The following LHX3 variants were observed in gnomAD, a reference collection of about 807,000 sequenced individuals.
LHX3 encodes LIM/homeobox protein Lhx3.
Under a neutral mutation model 32.4 loss-of-function variants are expected in LHX3, and 21 were observed. That is an observed-to-expected ratio of 0.65 (90% CI 0.46 to 0.93). The LOEUF (loss-of-function observed/expected upper bound fraction) is 0.93, where lower values mean the gene tolerates loss of function less well. Ranked by LOEUF, LHX3 falls within the 40% of genes least tolerant of loss-of-function variation. LHX3 has a pLI of 0.00. For missense variants in LHX3, 626 were observed against 560.0 expected (o/e 1.12, Z -1.19); for synonymous variants, 258 against 246.8 (o/e 1.05, Z -0.43).
At chr9:136,202,270 G>A (rs1465174289) in intron 1 of LHX3, among the ~76,000 whole-genome samples, 1 of 152,148 alleles carries the variant, frequency 6.6e-6, no homozygotes, top group African/African-American at 2.4e-5. Context: ...CCCGCCGGCC[G>A]GTCCCTCTCA....
intron 3 of LHX3, 106 bp downstream of exon 3, chr9:136,199,572 T>C (rs1831585840): frequency 1.6e-6 from 2 of 1,238,538 alleles, no homozygotes; most frequent in East Asian, 4.8e-5. Context: ...CAGGCCCCCT[T>C]AGTGAGCGCT....
At chr9:136,201,762 A>G (rs1384947207) in intron 1 of LHX3, 5 of 931,970 alleles carry the variant, frequency 5.4e-6, no homozygotes, top group Non-Finnish European at 6.4e-6. Context: ...GAAACCGGCG[A>G]TGAATGCGCC....
Position 136,197,619 on chromosome 9 carries a change from C to T in LHX3, c.900G>A (p.Leu300=), listed in dbSNP as rs767030651. 8 of 1,570,336 alleles carry T rather than the reference C, an allele frequency of 5.1e-6. No homozygotes were observed. Among genetic ancestry groups the T allele is most frequent in the Non-Finnish European group, 6.0e-6 (7 of 1,159,366 alleles). Residue 300 remains leucine, a synonymous_variant, in exon 6 of 6, where the codon CTG becomes CTA. Transcript: ENST00000371748. ...GCTCTCGGTACTGCTCTGGGCCTGC[C>T]AGGCCTCCATGCTCCAGGGAGAAGT... ...LGNFSLEHGG[L]AGPEQYRELR...
intron 5 of LHX3, 42 bp downstream of exon 5, chr9:136,198,610 G>A (rs1183242524): frequency 1.3e-6 from 2 of 1,534,638 alleles, no homozygotes; most frequent in Middle Eastern, 1.9e-4. Context: ...CCCCGCCGAC[G>A]CGCGCTCGTC....
Position 136,200,709 on chromosome 9 carries a change from A to G in LHX3, c.124T>C (p.Phe42Leu). 1 of 1,613,544 alleles carries G rather than the reference A, an allele frequency of 6.2e-7. No homozygotes were observed. Among genetic ancestry groups the G allele is most frequent in the Non-Finnish European group, 8.5e-7 (1 of 1,180,022 alleles). Residue 42 changes from phenylalanine (F) to leucine (L), a missense_variant, in exon 2 of 6, where the codon TTC becomes CTC. By Grantham distance (22) the Phe-to-Leu change is conservative (BLOSUM62 0). Coordinates refer to ENST00000371748, the MANE Select transcript of LHX3 (RefSeq NM_178138.6). ...AGCDQHILDR[F>L]ILKALDRHWH... ...TGGCGGTCCAGAGCCTTGAGGATGA[A>G]GCGGTCCAGGATGTGCTGGTCACAG...
At chr9:136,203,419 G>C (rs922393485) in intron 1 of LHX3, among the ~76,000 whole-genome samples, 1 of 152,184 alleles carries the variant, frequency 6.6e-6, no homozygotes, top group Non-Finnish European at 1.5e-5. Context: ...TCCTGCGCCG[G>C]AGCGGCCCAG....
intron 2 of LHX3, 108 bp downstream of exon 2, chr9:136,200,474 G>T: frequency 7.8e-7 from 1 of 1,274,434 alleles, no homozygotes; most frequent in Non-Finnish European, 1.1e-6. Flanking sequence ...GGCTGGGATT[G>T]CGAGAGACGC....
At position 136,199,042 on chromosome 9, in the gene LHX3, T is replaced by C; in HGVS notation, c.472A>G (p.Lys158Glu). ...AKQREAEATA[K>E]RPRTTITAKQ... is the part of the protein sequence containing the mutation. ...GCGGTGATGGTCGTGCGCGGCCGCT[T>C]GGCCGTGGCCTCGGCCTCTGCGCGG... is the stretch of plus-strand genomic sequence containing the variant. Residue 158 changes from lysine to glutamate, a missense_variant, in exon 4 of 6, where the codon AAG (lysine) becomes GAG (glutamate). Physicochemically the swap from Lys to Glu is moderately conservative, Grantham distance 56 (BLOSUM62 1). Transcript: ENST00000371748. 2 of 1,571,248 alleles carry C rather than the reference T, an allele frequency of 1.3e-6. No homozygotes were observed. The highest frequency in any genetic ancestry group is 8.6e-7 in the Non-Finnish European group (1 of 1,165,010).
intron 2 of LHX3, chr9:136,200,111 G>T (rs1275978261): frequency 4.5e-6 from 3 of 661,620 alleles, no homozygotes; most frequent in Non-Finnish European, 8.2e-6. Context: ...ATTGCCTGCA[G>T]GACCCATGCT....
chr9:136,202,427 G>A (rs914071634), intron 1 of LHX3, among the ~76,000 whole-genome samples: 1 of 152,150 alleles, frequency 6.6e-6, no homozygotes, highest in African/African-American at 2.4e-5. Flanking sequence ...GAGAAGAGAG[G>A]CTTTTTCCTA....
chr9:136,203,972 CG>C (rs1197787512), intron 1 of LHX3, among the ~76,000 whole-genome samples: 1 of 152,220 alleles, frequency 6.6e-6, no homozygotes, highest in African/African-American at 2.4e-5. Flanking sequence ...GGCAGCCACC[CG>C]GGGAAGAACA....
intron 1 of LHX3, 50 bp downstream of exon 1, chr9:136,204,884 G>T: frequency 6.8e-7 from 1 of 1,478,850 alleles, no homozygotes. Flanking sequence ...CCTTCCTCGC[G>T]CCTCTGCCGC....
rs1221591330 is a variant in LHX3 at position 136,205,106 on chromosome 9, G to A, written c.-94C>T. On this transcript the variant is annotated 5_prime_UTR_variant, in exon 1 of 6. Coordinates refer to ENST00000371748, the MANE Select transcript of LHX3 (RefSeq NM_178138.6). ...CTCCCAAGTCCCGCCGCGTCGTGCG[G>A]GGCAGGGAGCCCGGGAGCCACTGGG... is the stretch of plus-strand genomic sequence containing the variant. 2 of 1,095,452 alleles carry A rather than the reference G, an allele frequency of 1.8e-6. No individual in the cohort carries two copies. Among genetic ancestry groups the A allele is most frequent in the African/African-American group, 1.7e-5 (1 of 60,554 alleles). The allele number at this position is 1,095,452 out of a possible 1,614,324, so 67.9% of individuals were successfully genotyped here. A position where few individuals can be genotyped will look rare whatever the true frequency, so the allele number is the denominator to read the frequency against.
intron 5 of LHX3, 131 bp from the exon 6 acceptor site, chr9:136,197,874 C>T (rs901330159): frequency 1.7e-4 from 156 of 908,238 alleles, no homozygotes; most frequent in South Asian, 1.4e-3. Flanking sequence ...CAGGTCATAA[C>T]AGGCCCCTTC....
rs1831589242 is a variant in LHX3 at position 136,199,682 on chromosome 9, C to A, written c.450G>T (p.Gln150His). 1 of 1,612,732 alleles carries A rather than the reference C, an allele frequency of 6.2e-7. No homozygotes were observed. Among genetic ancestry groups the A allele is most frequent in the Admixed American group, 1.7e-5 (1 of 60,006 alleles). Residue 150 changes from glutamine to histidine, a missense_variant, in exon 3 of 6, where the codon CAG (glutamine) becomes CAT (histidine). Gln to His is a conservative substitution (Grantham distance 24, BLOSUM62 0). Transcript: ENST00000371748. ...AGCGTCGTCCCCTCGGCTGACCTCG[C>A]TGCTTGGCGGTTTCGTAGTCCGCCT... ...VCKADYETAK[Q>H]REAEATAKRP...
At chr9:136,202,742 C>T (rs1255332947) in intron 1 of LHX3, among the ~76,000 whole-genome samples, 1 of 152,188 alleles carries the variant, frequency 6.6e-6, no homozygotes, top group Non-Finnish European at 1.5e-5. Flanking sequence ...CAGCGCAGTG[C>T]CACAACCTCA....
At chr9:136,201,800 G>GAGC in intron 1 of LHX3, 1 of 732,738 alleles carries the variant, frequency 1.4e-6, no homozygotes, top group Non-Finnish European at 1.7e-6. Context: ...GCAGCTCCGG[G>GAGC]TGCGGAGCGT....
In LHX3 at chr9:136,200,648, T is replaced by C; in HGVS notation, c.185A>G (p.His62Arg). Residue 62 changes from histidine (H) to arginine (R), a missense_variant, in exon 2 of 6, where the codon CAC (histidine) becomes CGC (arginine). By Grantham distance (29) the His-to-Arg change is conservative (BLOSUM62 0). Transcript: ENST00000371748. ...GAAGCAGCGCTCGGCCAGTGGCGTG[T>C]GGCAGTCGCTGCACTTGAGACACTT... ...HSKCLKCSDC[H>R]TPLAERCFSR... is the part of the protein sequence containing the mutation. 1 of 1,613,606 alleles carries C rather than the reference T, an allele frequency of 6.2e-7. No homozygotes were observed. The highest frequency in any genetic ancestry group is 8.5e-7 in the Non-Finnish European group (1 of 1,180,024).
At position 136,205,003 on chromosome 9, in the gene LHX3, C is replaced by A; in HGVS notation, c.10G>T (p.Glu4Ter). MLL[E>*]TGLERDRARP... is the part of the protein sequence containing the mutation. ...GCTCGGTCGCGCTCGAGCCCCGTTT[C>A]CAGCAGCATCGCGGCCACCAGGCCG... Residue 4 changes from glutamate (E) to a stop codon, truncating the protein, a stop_gained, in exon 1 of 6, where the codon GAA becomes TAA. Coordinates refer to ENST00000371748, the MANE Select transcript of LHX3 (RefSeq NM_178138.6). LOFTEE classifies it high-confidence loss of function. 1 of 1,587,292 alleles carries A rather than the reference C, an allele frequency of 6.3e-7. No individual in the cohort carries two copies. Among genetic ancestry groups the A allele is most frequent in the Non-Finnish European group, 8.5e-7 (1 of 1,171,902 alleles).
Sources: allele counts gnomAD v4.1 joint callset (sites outside exome capture counted in the v4.1 genomes callset), GRCh38; gene constraint gnomAD v4.1.1; transcripts MANE v1.5; gene names NCBI Gene and HGNC (gene_info 2026-07-23, HGNC 2026-07-21).